CDH7: variants seen among roughly 807,000 people sequenced by gnomAD.
CDH7 encodes the protein cadherin 7.
In CDH7, 25 loss-of-function variants were observed where a neutral mutation model predicts 71.8. That is an observed-to-expected ratio of 0.35 (90% CI 0.25 to 0.49). The LOEUF is 0.49. CDH7 is among the 20% of genes least tolerant of loss of function. The pLI is 0.99. For missense variants in CDH7, 862 were observed against 974.6 expected, an observed-to-expected ratio of 0.88 and a Z score of 1.54; for synonymous variants, 381 against 363.8, an observed-to-expected ratio of 1.05 and a Z score of -0.54.
chr18:65,772,538 A>T (rs982675623), intron 2 of CDH7, among the ~76,000 whole-genome samples: 2 of 152,182 alleles, frequency 1.3e-5, no homozygotes, highest in African/African-American at 4.8e-5. Flanking sequence ...ATACCTAAGA[A>T]CATGTAGCCA....
intron 7 of CDH7, among the ~76,000 whole-genome samples, chr18:65,856,646 A>T (rs1376611298): frequency 1.3e-5 from 2 of 152,152 alleles, no homozygotes; most frequent in Non-Finnish European, 2.9e-5. Context: ...TTAATGGGTC[A>T]TGAGGGTAGC....
chr18:65,862,962 A>T, intron 11 of CDH7, 45 bp downstream of exon 11: 1 of 1,596,902 alleles, frequency 6.3e-7, no homozygotes, highest in African/African-American at 1.3e-5. Flanking sequence ...CTGTCACAAT[A>T]ACCACATGTC....
At chr18:65,829,581 T>C (rs1912260150) in intron 6 of CDH7, among the ~76,000 whole-genome samples, 1 of 152,082 alleles carries the variant, frequency 6.6e-6, no homozygotes, top group South Asian at 2.1e-4. Context: ...TTGTAATTCC[T>C]GGAGAGCAAC....
chr18:65,861,835 C>T (rs187565493), intron 10 of CDH7, among the ~76,000 whole-genome samples: 2 of 151,636 alleles, frequency 1.3e-5, no homozygotes, highest in African/African-American at 4.8e-5. Context: ...AACTCTGATC[C>T]TGATTTTTCT....
intron 7 of CDH7, among the ~76,000 whole-genome samples, chr18:65,846,057 C>A (rs543887026): frequency 6.6e-6 from 1 of 151,960 alleles, no homozygotes; most frequent in Non-Finnish European, 1.5e-5. Context: ...TCTGTTGAAG[C>A]CTTTCATAGA....
chr18:65,842,520 G>A (rs933729056), intron 6 of CDH7, among the ~76,000 whole-genome samples: 1 of 151,620 alleles, frequency 6.6e-6, no homozygotes, highest in African/African-American at 2.4e-5. Context: ...GTGTATATGT[G>A]TGTATATATG....
In CDH7 at chr18:65,887,130, G is replaced by A. The variant is rs1914391836; in HGVS notation, c.*6236G>A. 1 of 151,940 alleles carries A rather than the reference G, an allele frequency of 6.6e-6. No homozygotes were observed. Among genetic ancestry groups the A allele is most frequent in the Admixed American group, 6.6e-5 (1 of 15,248 alleles). 9.4% of individuals were successfully genotyped at this position (151,940 alleles called of 1,614,324 possible). ...ATGATGTTAATGGTTTATATAAGCA[G>A]GAAAAACTTATATGATTCACTACCC... On this transcript the variant is annotated 3_prime_UTR_variant, in exon 12 of 12. Coordinates refer to ENST00000397968, the MANE Select transcript of CDH7 (RefSeq NM_004361.5).
chr18:65,862,809 G>A lies in CDH7; in HGVS notation c.1756G>A (p.Asp586Asn). Residue 586 changes from aspartate (D) to asparagine (N), a missense_variant, in exon 11 of 12, where the codon GAT becomes AAT. Asp to Asn is a conservative substitution (Grantham distance 23). Coordinates refer to ENST00000397968, the MANE Select transcript of CDH7 (RefSeq NM_004361.5). ...CCTCACCATCCGCGTGTGTGACTGT[G>A]ATGCTGACGGCGTAGCCCAGACCTG... ...NTLTIRVCDC[D>N]ADGVAQTCNA... is the part of the protein sequence containing the mutation. The A allele has an allele frequency of 6.2e-7, 1 of 1,614,186 alleles. No individual in the cohort carries two copies. Among genetic ancestry groups the A allele is most frequent in the South Asian group, 1.1e-5 (1 of 91,080 alleles).
At chr18:65,859,404 C>T (rs1229963877) in intron 9 of CDH7, among the ~76,000 whole-genome samples, 1 of 152,188 alleles carries the variant, frequency 6.6e-6, no homozygotes, top group Non-Finnish European at 1.5e-5. Flanking sequence ...GCAGTTCAAT[C>T]TCAGTTTGGT....
In CDH7 at chr18:65,883,253, T is replaced by G; in HGVS notation, c.*2359T>G. On this transcript the variant is annotated 3_prime_UTR_variant, in exon 12 of 12. Coordinates refer to ENST00000397968, the MANE Select transcript of CDH7 (RefSeq NM_004361.5). ...AATTAAAAAAATTAATTTAAAAAAT[T>G]AATTTTTGAGATGGCTGGAAGAATG... 1 of 152,106 alleles carries G rather than the reference T, an allele frequency of 6.6e-6. No homozygotes were observed. Among genetic ancestry groups the G allele is most frequent in the East Asian group, 1.9e-4 (1 of 5,190 alleles). 9.4% of individuals were successfully genotyped at this position (152,106 alleles called of 1,614,324 possible).
At chr18:65,761,073 G>T (rs1022246068) in intron 1 of CDH7, among the ~76,000 whole-genome samples, 5 of 152,266 alleles carry the variant, frequency 3.3e-5, no homozygotes, top group Middle Eastern at 3.4e-3. Context: ...CTTGGATAGG[G>T]TATCTGGATT....
rs183680779 is a variant in CDH7 at position 65,798,110 on chromosome 18, G to A, written c.211-11594G>A. Among the ~76,000 whole-genome samples, 44 of 152,232 alleles carry A rather than the reference G, an allele frequency of 2.9e-4. 1 individual carries two copies. Among genetic ancestry groups the A allele is most frequent in the Admixed American group, 2.6e-3 (40 of 15,290 alleles). The stretch of plus-strand genomic sequence containing the variant: ...GGGTCGCTGGCTTCCCTGAGCTAAG[G>A]CAATTTTGCTTCTTTCTCTTCTCAA... On this transcript the variant is annotated intron_variant, in intron 2 of 11. Transcript: ENST00000397968.
chr18:65,850,188 A>ATG, intron 7 of CDH7, among the ~76,000 whole-genome samples: 1 of 144,594 alleles, frequency 6.9e-6, no homozygotes, highest in Non-Finnish European at 1.5e-5. Context: ...ATATATATAT[A>ATG]AAATTAAATA....
chr18:65,830,986 A>G (rs1388518424), intron 6 of CDH7, among the ~76,000 whole-genome samples: 1 of 152,006 alleles, frequency 6.6e-6, no homozygotes, highest in Non-Finnish European at 1.5e-5. Flanking sequence ...TTGCTGTTTA[A>G]AACTCAAAAC....
In CDH7 at chr18:65,845,554, G is replaced by A. The variant is rs8083379; in HGVS notation, c.1235+1489G>A. Reference sequence around the variant, plus strand: ...AAACATGAGTTTGAGTTTTGTTATAGCATTCCATCTCTTAGTGAAACCTTA... The same window carrying A: ...AAACATGAGTTTGAGTTTTGTTATAACATTCCATCTCTTAGTGAAACCTTA... On this transcript the variant is annotated intron_variant, in intron 7 of 11. Coordinates refer to ENST00000397968, the MANE Select transcript of CDH7 (RefSeq NM_004361.5). Among the ~76,000 whole-genome samples the A allele has an allele frequency of 7.8e-3, 1,181 of 152,174 alleles. 10 individuals carry two copies. The highest frequency in any genetic ancestry group is 0.027 in the African/African-American group (1,105 of 41,528).
At chr18:65,840,846 G>A in intron 6 of CDH7, among the ~76,000 whole-genome samples, 1 of 151,958 alleles carries the variant, frequency 6.6e-6, no homozygotes. Context: ...AATTTATTTA[G>A]AAATTACTTT....
At chr18:65,829,715 C>A (rs1912267321) in intron 6 of CDH7, among the ~76,000 whole-genome samples, 1 of 149,662 alleles carries the variant, frequency 6.7e-6, no homozygotes, top group Non-Finnish European at 1.5e-5. Context: ...TTCCTTTAAA[C>A]AATAAACAGA....
intron 11 of CDH7, chr18:65,865,180 G>A (rs2587407): frequency 6.6e-6 from 1 of 151,912 alleles, no homozygotes; most frequent in East Asian, 1.9e-4. Context: ...GATTTTTTGC[G>A]ATTTAGGTTG....
intron 2 of CDH7, among the ~76,000 whole-genome samples, chr18:65,789,495 T>C (rs1910634254): frequency 6.6e-6 from 1 of 152,070 alleles, no homozygotes; most frequent in Non-Finnish European, 1.5e-5. Flanking sequence ...GTTTGTTTTT[T>C]GATAAGTTTG....
Sources: gnomAD v4.1 joint callset for allele counts (sites outside exome capture counted in the v4.1 genomes callset) on GRCh38, gnomAD v4.1.1 for gene constraint, MANE v1.5 for transcripts, NCBI Gene and HGNC (gene_info 2026-07-23, HGNC 2026-07-21) for gene names.